Variants in MEGF9 observed in about 807,000 individuals in gnomAD.
MEGF9 encodes the protein multiple EGF like domains 9.
Under a neutral mutation model 46.8 loss-of-function variants are expected in MEGF9, and 6 were observed. The observed-to-expected ratio is 0.13, with a 90% CI of 0.07 to 0.25. MEGF9 has a LOEUF of 0.25. Ranked by LOEUF, MEGF9 falls within the 10% of genes least tolerant of loss-of-function variation. MEGF9 has a pLI of 1.00. For missense variants in MEGF9, 683 were observed against 792.4 expected, an observed-to-expected ratio of 0.86 and a Z score of 1.66; for synonymous variants, 302 against 330.7, an observed-to-expected ratio of 0.91 and a Z score of 0.94.
At position 120,603,078 on chromosome 9, in the gene MEGF9, T is replaced by C. The variant is rs2043404739; in HGVS notation, c.*2112A>G. The C allele has an allele frequency of 6.6e-6, 1 of 152,244 alleles. No homozygotes were observed. The highest frequency in any genetic ancestry group is 2.4e-5 in the African/African-American group (1 of 41,468). 9.4% of individuals were successfully genotyped at this position (152,244 alleles called of 1,614,324 possible). ...ACAAGTAGAACTCTTCCTCCCAGCTTTCTTGTGTCCATGGCTAGGCAATTT... is the reference window on the plus strand; with the variant it reads ...ACAAGTAGAACTCTTCCTCCCAGCTCTCTTGTGTCCATGGCTAGGCAATTT... On this transcript the variant is annotated 3_prime_UTR_variant, in exon 6 of 6. Transcript: ENST00000373930.
At position 120,659,430 on chromosome 9, in the gene MEGF9, C is replaced by T. The variant is rs773567796; in HGVS notation, c.747G>A (p.Gly249=). The T allele has an allele frequency of 5.6e-6, 9 of 1,613,824 alleles. No homozygotes were observed. The highest frequency in any genetic ancestry group is 7.6e-6 in the Non-Finnish European group (9 of 1,179,868). ...KEGFYLNYTS[G]LCQPCDCSPH... ...GACTACAGTCACATGGCTGACAGAGCCCAGAAGTGTAATTTAGGTAAAAGC... is the reference window on the plus strand; with the variant it reads ...GACTACAGTCACATGGCTGACAGAGTCCAGAAGTGTAATTTAGGTAAAAGC... Residue 249 remains glycine, a synonymous_variant, in exon 2 of 6, where the codon GGG becomes GGA. Coordinates refer to ENST00000373930, the MANE Select transcript of MEGF9 (RefSeq NM_001080497.3).
chr9:120,626,055 T>C (rs16909957), intron 2 of MEGF9, among the ~76,000 whole-genome samples: 8,866 of 151,938 alleles, frequency 0.058, 854 homozygotes, highest in African/African-American at 0.2. Context: ...CTTATGCTTA[T>C]CCATAGATTT....
In MEGF9 at chr9:120,659,583, G is replaced by A. The variant is rs760645492; in HGVS notation, c.602-8C>T. On this transcript the variant is annotated splice_polypyrimidine_tract_variant and splice_region_variant and intron_variant, in intron 1 of 5. Coordinates refer to ENST00000373930, the MANE Select transcript of MEGF9 (RefSeq NM_001080497.3). ...AGCAGTTACATACATACTCTGCAAA[G>A]GAAAGAAGGAAAGAGACATTACCAA... The A allele has an allele frequency of 4.5e-5, 72 of 1,583,124 alleles. 2 individuals are homozygous for A. The South Asian group carries it at 7.4e-4, about 16-fold the overall frequency.
At chr9:120,673,053 C>T (rs1420477759) in intron 1 of MEGF9, among the ~76,000 whole-genome samples, 2 of 151,984 alleles carry the variant, frequency 1.3e-5, no homozygotes, top group Non-Finnish European at 2.9e-5. Context: ...TTGCAAGATA[C>T]AAAATTAACA....
At chr9:120,622,401 C>T (rs1347296597) in intron 3 of MEGF9, among the ~76,000 whole-genome samples, 3 of 138,314 alleles carry the variant, frequency 2.2e-5, no homozygotes, top group African/African-American at 7.9e-5. Flanking sequence ...TTCTCCTTGC[C>T]TCCATAGGTA....
intron 4 of MEGF9, among the ~76,000 whole-genome samples, chr9:120,610,696 T>C (rs2043440837): frequency 6.6e-6 from 1 of 152,146 alleles, no homozygotes; most frequent in African/African-American, 2.4e-5. Flanking sequence ...ATACATGATA[T>C]TGCACTGTAG....
intron 2 of MEGF9, among the ~76,000 whole-genome samples, chr9:120,627,484 G>T (rs541312800): frequency 6.6e-6 from 1 of 151,758 alleles, no homozygotes; most frequent in Non-Finnish European, 1.5e-5. Context: ...TTTTGAGATG[G>T]AGTCTTGCTC....
At chr9:120,615,752 G>A (rs1463450586) in intron 3 of MEGF9, among the ~76,000 whole-genome samples, 1 of 151,944 alleles carries the variant, frequency 6.6e-6, no homozygotes, top group African/African-American at 2.4e-5. Flanking sequence ...AAAATTAGCT[G>A]GGTGCGGTGG....
At chr9:120,669,603 A>C (rs2132327379) in intron 1 of MEGF9, among the ~76,000 whole-genome samples, 2 of 152,272 alleles carry the variant, frequency 1.3e-5, no homozygotes, top group South Asian at 4.1e-4. Flanking sequence ...TAAGCAGATA[A>C]GAGGTCTGGT....
intron 2 of MEGF9, among the ~76,000 whole-genome samples, chr9:120,651,255 A>G (rs1429260866): frequency 2.0e-5 from 3 of 152,234 alleles, no homozygotes; most frequent in African/African-American, 7.2e-5. Flanking sequence ...GATTACCAAA[A>G]GACAACTAGA....
chr9:120,634,487 C>T (rs565842579), intron 2 of MEGF9, among the ~76,000 whole-genome samples: 9 of 40,764 alleles, frequency 2.2e-4, no homozygotes, highest in South Asian at 2.0e-3. Context: ...GACGGAGTCT[C>T]GCTGTCGCCC....
intron 3 of MEGF9, among the ~76,000 whole-genome samples, chr9:120,618,540 T>C (rs2043482373): frequency 6.6e-6 from 1 of 152,062 alleles, no homozygotes; most frequent in African/African-American, 2.4e-5. Flanking sequence ...ACGTGCTTAA[T>C]AAAGAAAATC....
At chr9:120,683,868 T>C (rs1197089086) in intron 1 of MEGF9, among the ~76,000 whole-genome samples, 1 of 151,504 alleles carries the variant, frequency 6.6e-6, no homozygotes, top group East Asian at 1.9e-4. Context: ...CACTCCAACA[T>C]GGACAACAGG....
chr9:120,700,519 A>T (rs2043899228), intron 1 of MEGF9, among the ~76,000 whole-genome samples: 1 of 152,228 alleles, frequency 6.6e-6, no homozygotes, highest in Non-Finnish European at 1.5e-5. Context: ...CTGTAGGATT[A>T]CAATAAATAT....
At chr9:120,710,562 G>T (rs908122211) in intron 1 of MEGF9, among the ~76,000 whole-genome samples, 1 of 151,992 alleles carries the variant, frequency 6.6e-6, no homozygotes, top group Non-Finnish European at 1.5e-5. Flanking sequence ...AACAAAAAAG[G>T]GCCCTAACTG....
chr9:120,702,770 G>A (rs879927223), intron 1 of MEGF9, among the ~76,000 whole-genome samples: 12 of 152,098 alleles, frequency 7.9e-5, no homozygotes, highest in Admixed American at 7.9e-4. Flanking sequence ...GGTGTGAAAG[G>A]TCCAGAAGTA....
intron 1 of MEGF9, among the ~76,000 whole-genome samples, chr9:120,697,146 G>A (rs1335485754): frequency 3.3e-5 from 5 of 152,186 alleles, no homozygotes; most frequent in Non-Finnish European, 5.9e-5. Flanking sequence ...ACAGTGGGAT[G>A]AGCTTGGCTC....
At chr9:120,643,764 G>T in intron 2 of MEGF9, among the ~76,000 whole-genome samples, 1 of 148,738 alleles carries the variant, frequency 6.7e-6, no homozygotes, top group African/African-American at 2.5e-5. Context: ...GTGCCATCAT[G>T]GCTCACTATA....
intron 2 of MEGF9, among the ~76,000 whole-genome samples, chr9:120,632,285 A>G (rs1468774899): frequency 6.6e-6 from 1 of 150,544 alleles, no homozygotes; most frequent in Non-Finnish European, 1.5e-5. Flanking sequence ...AGTGTTTTAT[A>G]GTTTTCCTTG....
Sources: allele counts gnomAD v4.1 joint callset (sites outside exome capture counted in the v4.1 genomes callset), GRCh38; gene constraint gnomAD v4.1.1; transcripts MANE v1.5; gene names NCBI Gene and HGNC (gene_info 2026-07-23, HGNC 2026-07-21).